The following MAGI2 variants were observed in gnomAD, a reference collection of about 807,000 sequenced individuals.
MAGI2 encodes the protein membrane-associated guanylate kinase, WW and PDZ domain-containing protein 2.
MAGI2 carries 35 observed loss-of-function variants against 133.3 expected under a neutral mutation model. That is an observed-to-expected ratio of 0.26 (90% CI 0.20 to 0.35). The LOEUF (loss-of-function observed/expected upper bound fraction) is 0.35, where lower values mean the gene tolerates loss of function less well. Among genes scored for constraint, MAGI2 ranks in the 10% least tolerant of loss-of-function variants. The probability of loss-of-function intolerance (pLI) is 1.00; values close to 1 mark genes in which losing one functional copy is unlikely to be tolerated. For synonymous variants in MAGI2, 729 were observed against 710.6 expected (o/e 1.03, Z -0.41); for missense variants, 1,636 against 1,863.4 (o/e 0.88, Z 2.25).
At chr7:78,728,489 T>A (rs1451295392) in intron 2 of MAGI2, among the ~76,000 whole-genome samples, 1 of 149,090 alleles carries the variant, frequency 6.7e-6, no homozygotes, top group Admixed American at 6.6e-5. Context: ...CCTAGTACCA[T>A]CAAAGTTTGA....
intron 1 of MAGI2, among the ~76,000 whole-genome samples, chr7:79,098,308 C>T (rs1430452943): frequency 6.6e-6 from 1 of 152,178 alleles, no homozygotes; most frequent in East Asian, 1.9e-4. Flanking sequence ...CAGCCCTGAA[C>T]TGCTCCTCTC....
chr7:78,259,813 G>A (rs565916075), intron 9 of MAGI2, among the ~76,000 whole-genome samples: 49 of 152,294 alleles, frequency 3.2e-4, no homozygotes, highest in African/African-American at 1.1e-3. Flanking sequence ...AAGCTCTCAA[G>A]TTTCCCTGCC....
intron 2 of MAGI2, among the ~76,000 whole-genome samples, chr7:78,746,306 A>G (rs1822923795): frequency 6.6e-6 from 1 of 152,218 alleles, no homozygotes; most frequent in Non-Finnish European, 1.5e-5. Context: ...AAGAGCAGTA[A>G]TACTAACGAA....
chr7:78,141,616 C>T (rs777131922), intron 16 of MAGI2, among the ~76,000 whole-genome samples: 1 of 152,182 alleles, frequency 6.6e-6, no homozygotes, highest in African/African-American at 2.4e-5. Flanking sequence ...ATGAAAACGT[C>T]TTCCCTGAAA....
chr7:78,384,104 T>A (rs1237989765), intron 6 of MAGI2, among the ~76,000 whole-genome samples: 1 of 152,074 alleles, frequency 6.6e-6, no homozygotes, highest in Non-Finnish European at 1.5e-5. Flanking sequence ...CCATATGAAA[T>A]TTAGGATTTT....
intron 1 of MAGI2, among the ~76,000 whole-genome samples, chr7:79,104,611 G>A (rs2129543472): frequency 6.6e-6 from 1 of 152,146 alleles, no homozygotes; most frequent in African/African-American, 2.4e-5. Context: ...AGGTTGCAGT[G>A]AGCAGAGAAC....
At chr7:78,067,296 G>C (rs2151152157) in intron 21 of MAGI2, among the ~76,000 whole-genome samples, 1 of 152,302 alleles carries the variant, frequency 6.6e-6, no homozygotes, top group Middle Eastern at 3.4e-3. Context: ...ACACGTGCCA[G>C]GAGACCTCAT....
At chr7:78,429,343 C>A (rs1799575646) in intron 6 of MAGI2, among the ~76,000 whole-genome samples, 1 of 151,962 alleles carries the variant, frequency 6.6e-6, no homozygotes, top group Non-Finnish European at 1.5e-5. Flanking sequence ...TTAGGCAATT[C>A]CAAGCATTTG....
At chr7:78,832,198 T>C (rs1419533871) in intron 2 of MAGI2, among the ~76,000 whole-genome samples, 1 of 152,152 alleles carries the variant, frequency 6.6e-6, no homozygotes, top group East Asian at 1.9e-4. Context: ...TAAATATTCC[T>C]TACAGATAGA....
intron 1 of MAGI2, among the ~76,000 whole-genome samples, chr7:79,194,810 G>A (rs1220269336): frequency 7.9e-5 from 12 of 151,304 alleles, no homozygotes; most frequent in Admixed American, 1.3e-4. Context: ...AAAAAATGCC[G>A]CACACTCTAG....
chr7:78,638,683 C>T (rs1809941337), intron 2 of MAGI2, among the ~76,000 whole-genome samples: 1 of 152,162 alleles, frequency 6.6e-6, no homozygotes, highest in Non-Finnish European at 1.5e-5. Flanking sequence ...TAAAGTAGGG[C>T]AACCAACCAT....
chr7:78,489,955 T>C, intron 5 of MAGI2, 115 bp from the exon 6 acceptor site: 3 of 722,924 alleles, frequency 4.1e-6, no homozygotes, highest in Non-Finnish European at 7.0e-6. Flanking sequence ...ACACTTAATT[T>C]GCTTACTGGT....
At chr7:78,559,004 A>C (rs1364732943) in intron 3 of MAGI2, among the ~76,000 whole-genome samples, 1 of 151,726 alleles carries the variant, frequency 6.6e-6, no homozygotes, top group Non-Finnish European at 1.5e-5. Flanking sequence ...TCATTTTTGC[A>C]TCTTAACAAA....
At chr7:79,411,215 A>G (rs1585881441) in intron 1 of MAGI2, 1 of 151,288 alleles carries the variant, frequency 6.6e-6, no homozygotes, top group Middle Eastern at 3.4e-3. Context: ...TAGGCAGAAT[A>G]ATGGCTCCCA....
chr7:78,279,458 TAGTC>T (rs1199831211), intron 9 of MAGI2, among the ~76,000 whole-genome samples: 1 of 105,942 alleles, frequency 9.4e-6, no homozygotes, highest in Non-Finnish European at 2.0e-5. Flanking sequence ...CACAATTATT[TAGTC>T]AGGAAGAGAG....
chr7:79,355,708 T>A lies in MAGI2; in HGVS notation c.301+97312A>T, dbSNP rs564659713. On this transcript the variant is annotated intron_variant, in intron 1 of 21. Transcript: ENST00000354212. ...TAGACAGATAGAAGATAGATAGAGTTCTACCTATTTTTATCAATCTCTGTC... is the reference window on the plus strand; with the variant it reads ...TAGACAGATAGAAGATAGATAGAGTACTACCTATTTTTATCAATCTCTGTC... Among the ~76,000 whole-genome samples the A allele has an allele frequency of 3.1e-4, 47 of 152,334 alleles. 2 individuals carry two copies. The South Asian group carries it at 9.3e-3, about 30-fold the overall frequency.
intron 4 of MAGI2, among the ~76,000 whole-genome samples, chr7:78,508,772 CT>C (rs1228770262): frequency 6.6e-6 from 1 of 152,098 alleles, no homozygotes; most frequent in African/African-American, 2.4e-5. Flanking sequence ...CATGTTTTAC[CT>C]TTTTTATAGT....
intron 6 of MAGI2, among the ~76,000 whole-genome samples, chr7:78,429,788 T>C (rs1013678260): frequency 3.9e-5 from 6 of 152,128 alleles, no homozygotes; most frequent in Non-Finnish European, 8.8e-5. Context: ...ACTTGCTATA[T>C]GCCAGTATGT....
At chr7:79,002,051 T>A (rs553267646) in intron 2 of MAGI2, among the ~76,000 whole-genome samples, 6 of 152,220 alleles carry the variant, frequency 3.9e-5, no homozygotes, top group African/African-American at 1.2e-4. Context: ...TGAAGTTCAA[T>A]TACATACAAA....
Sources: allele counts gnomAD v4.1 joint callset (sites outside exome capture counted in the v4.1 genomes callset), GRCh38; gene constraint gnomAD v4.1.1; transcripts MANE v1.5; gene names NCBI Gene and HGNC (gene_info 2026-07-23, HGNC 2026-07-21).